Variants in ZC4H2 observed in about 807,000 individuals in gnomAD.
ZC4H2 encodes zinc finger C4H2 domain-containing protein.
For missense variants in ZC4H2, 137 were observed against 173.9 expected (o/e 0.79, Z 1.19); for synonymous variants, 84 against 66.3 (o/e 1.27, Z -1.30).
chrX:64,952,860 C>T lies in ZC4H2; in HGVS notation c.53+23465G>A, dbSNP rs1602413602. ...TGGAACCAAAAAAGAGCCCTCATTG[C>T]CAAGTCAACCCTAAGCCAAAAGAAC... On this transcript the variant is annotated intron_variant, in intron 1 of 4. Coordinates refer to ENST00000374839, the MANE Select transcript of ZC4H2 (RefSeq NM_018684.4). 3.6e-5 allele frequency among the ~76,000 whole-genome samples: 4 copies of T among 111,273 alleles called. 1 individual carries two copies. The Admixed American group carries it at 3.8e-4, about 11-fold the overall frequency.
At chrX:64,993,748 C>T (rs1368039547) in intron 1 of ZC4H2, among the ~76,000 whole-genome samples, 2 of 111,884 alleles carry the variant, frequency 1.8e-5, no homozygotes, top group African/African-American at 3.2e-5. Flanking sequence ...CAAGAGCACC[C>T]CCTCCTCTTC....
chrX:64,925,823 G>A (rs746063564), intron 1 of ZC4H2, among the ~76,000 whole-genome samples: 144 of 112,103 alleles, frequency 1.3e-3, no homozygotes, highest in African/African-American at 4.5e-3. Flanking sequence ...TCTCTCTGGG[G>A]TGAAGGGCTG....
chrX:64,952,701 C>T (rs1328015310), intron 1 of ZC4H2, among the ~76,000 whole-genome samples: 1 of 110,115 alleles, frequency 9.1e-6, no homozygotes, highest in Non-Finnish European at 1.9e-5. Context: ...ATTCCATGCA[C>T]ATGGATAGCA....
At position 64,915,862 on chromosome X, in the gene ZC4H2, C is replaced by G. The variant is rs1928896777; in HGVS notation, c.*1921G>C. ...AGGTTTTATTTAGCTGTTGAATTCC[C>G]TGACAAGCACAGAGACAGATTAGTG... On this transcript the variant is annotated 3_prime_UTR_variant, in exon 5 of 5. Transcript: ENST00000374839. The G allele has an allele frequency of 8.9e-6, 1 of 111,978 alleles. No homozygotes were observed. The highest frequency in any genetic ancestry group is 3.2e-5 in the African/African-American group (1 of 30,825). 9.2% of individuals were successfully genotyped at this position (111,978 alleles called of 1,213,427 possible).
intron 1 of ZC4H2, among the ~76,000 whole-genome samples, chrX:64,972,712 A>G (rs1262004569): frequency 8.9e-6 from 1 of 111,895 alleles, no homozygotes; most frequent in African/African-American, 3.3e-5. Flanking sequence ...TTCCTATCCC[A>G]GATTTCCTTT....
At chrX:64,958,174 T>C (rs775784010) in intron 1 of ZC4H2, among the ~76,000 whole-genome samples, 1 of 112,513 alleles carries the variant, frequency 8.9e-6, no homozygotes, top group South Asian at 3.7e-4. Context: ...TATCATGTAC[T>C]GTAGATAATT....
chrX:65,012,000 G>C (rs1340330732), intron 1 of ZC4H2, among the ~76,000 whole-genome samples: 2 of 109,312 alleles, frequency 1.8e-5, no homozygotes, highest in African/African-American at 6.6e-5. Context: ...AGGCATGAAG[G>C]CATGCCATCT....
chrX:64,976,306 G>A lies in ZC4H2; in HGVS notation c.53+19C>T. 4 of 1,209,098 alleles carry A rather than the reference G, an allele frequency of 3.3e-6. No individual in the cohort carries two copies. In the South Asian group the frequency reaches 5.3e-5, roughly 16 times the overall value. On this transcript the variant is annotated intron_variant, in intron 1 of 4. Transcript: ENST00000374839. ...GAAGGGTTGGAGAGGGGCGGGGAGG[G>A]GGACAACGTGCCACTTACCTGATCT... is the stretch of plus-strand genomic sequence containing the variant.
intron 1 of ZC4H2, among the ~76,000 whole-genome samples, chrX:64,958,787 C>T (rs1931265789): frequency 9.0e-6 from 1 of 111,393 alleles, no homozygotes; most frequent in African/African-American, 3.3e-5. Context: ...TGCATAAGGG[C>T]TCTTGTATCT....
intron 1 of ZC4H2, among the ~76,000 whole-genome samples, chrX:65,020,548 G>A (rs1429304553): frequency 8.9e-6 from 1 of 111,937 alleles, no homozygotes; most frequent in African/African-American, 3.2e-5. Flanking sequence ...AATAAACATG[G>A]AAAGGAACAA....
chrX:65,000,058 C>A (rs1335674597), intron 1 of ZC4H2, among the ~76,000 whole-genome samples: 1 of 112,419 alleles, frequency 8.9e-6, no homozygotes, highest in Non-Finnish European at 1.9e-5. Context: ...CTGAAGAGAG[C>A]AGCACATCTC....
chrX:64,965,115 T>A (rs780347336), intron 1 of ZC4H2, among the ~76,000 whole-genome samples: 1 of 111,932 alleles, frequency 8.9e-6, no homozygotes, highest in East Asian at 2.8e-4. Context: ...AACAAACTAA[T>A]CTACAGATCC....
Position 64,976,430 on chromosome X carries a change from G to A in ZC4H2, c.-53C>T, listed in dbSNP as rs965704691. The A allele has an allele frequency of 6.1e-6, 7 of 1,155,950 alleles. No individual in the cohort carries two copies. The highest frequency in any genetic ancestry group is 7.1e-6 in the Non-Finnish European group (6 of 846,442). ...AGAGATGTACAAATACACCAGCCAA[G>A]GGATACAATAGACACAATGTAGCCA... On this transcript the variant is annotated 5_prime_UTR_variant, in exon 1 of 5. Coordinates refer to ENST00000374839, the MANE Select transcript of ZC4H2 (RefSeq NM_018684.4).
At chrX:64,973,485 C>T (rs192225879) in intron 1 of ZC4H2, among the ~76,000 whole-genome samples, 1 of 109,617 alleles carries the variant, frequency 9.1e-6, no homozygotes, top group Non-Finnish European at 1.9e-5. Context: ...CCCCAGTTTA[C>T]AATATAAATG....
intron 1 of ZC4H2, among the ~76,000 whole-genome samples, chrX:64,937,980 A>C (rs1240828192): frequency 8.9e-6 from 1 of 111,972 alleles, no homozygotes; most frequent in Non-Finnish European, 1.9e-5. Flanking sequence ...CTTCAAAAAA[A>C]TCAATGAATT....
At chrX:64,944,799 C>T (rs1357313733) in intron 1 of ZC4H2, among the ~76,000 whole-genome samples, 1 of 111,727 alleles carries the variant, frequency 9.0e-6, no homozygotes, top group African/African-American at 3.3e-5. Flanking sequence ...TTTCTCTAAT[C>T]TTGTCTTCAT....
intron 1 of ZC4H2, among the ~76,000 whole-genome samples, chrX:64,969,626 G>GTTA (rs1931707957): frequency 9.0e-6 from 1 of 111,712 alleles, no homozygotes; most frequent in African/African-American, 3.3e-5. Flanking sequence ...GCATTGCCTG[G>GTTA]GAACTTGTTA....
chrX:64,968,334 C>A, intron 1 of ZC4H2, among the ~76,000 whole-genome samples: 1 of 111,740 alleles, frequency 8.9e-6, no homozygotes, highest in Middle Eastern at 4.6e-3. Context: ...TAAATCTGAT[C>A]ACCTTTCCAT....
Position 64,997,032 on chromosome X carries a change from A to T in ZC4H2, c.-272+37597T>A, listed in dbSNP as rs1455620476. On this transcript the variant is annotated intron_variant, in intron 1 of 4. Coordinates refer to the ZC4H2 transcript ENST00000337990. ...CCAAATATGATAAATTCAAAGTGAT[A>T]CAAACTGACACATACTGTAATCAAA... is the stretch of plus-strand genomic sequence containing the variant. Among the ~76,000 whole-genome samples, 5 of 112,229 alleles carry T rather than the reference A, an allele frequency of 4.5e-5. No homozygotes were observed. The Admixed American group carries it at 4.7e-4, about 11-fold the overall frequency.
Sources: gnomAD v4.1 joint callset for allele counts (sites outside exome capture counted in the v4.1 genomes callset) on GRCh38, gnomAD v4.1.1 for gene constraint, MANE v1.5 for transcripts, NCBI Gene and HGNC (gene_info 2026-07-23, HGNC 2026-07-21) for gene names.